The following RAB30 variants were observed in gnomAD, a reference collection of about 807,000 sequenced individuals.
RAB30 encodes ras-related protein Rab-30.
A neutral mutation model predicts 25.1 loss-of-function variants in RAB30; 9 were observed. The observed-to-expected ratio is 0.36, with a 90% CI of 0.22 to 0.63. The LOEUF is 0.63. Ranked by LOEUF, RAB30 falls within the 20% of genes least tolerant of loss-of-function variation. The pLI is 0.69. For synonymous variants in RAB30, 77 were observed against 86.4 expected, an observed-to-expected ratio of 0.89 and a Z score of 0.60; for missense variants, 140 against 243.5, an observed-to-expected ratio of 0.58 and a Z score of 2.83.
At chr11:82,999,332 G>A (rs1476970124) in intron 1 of RAB30, among the ~76,000 whole-genome samples, 5 of 152,158 alleles carry the variant, frequency 3.3e-5, no homozygotes, top group Non-Finnish European at 5.9e-5. Flanking sequence ...ATAAAAAATG[G>A]AGCCAGAGAG....
chr11:83,011,301 C>T (rs1231505735), intron 1 of RAB30, among the ~76,000 whole-genome samples: 1 of 152,132 alleles, frequency 6.6e-6, no homozygotes, highest in African/African-American at 2.4e-5. Flanking sequence ...TTGTTGTAAT[C>T]GCATCAACAT....
intron 4 of RAB30, among the ~76,000 whole-genome samples, chr11:82,986,140 T>A (rs1477486441): frequency 1.3e-5 from 2 of 152,234 alleles, no homozygotes; most frequent in African/African-American, 2.4e-5. Flanking sequence ...GTTTTCTTTT[T>A]AAAAATCTAT....
At chr11:83,052,905 T>G (rs897274565) in intron 1 of RAB30, among the ~76,000 whole-genome samples, 5 of 152,184 alleles carry the variant, frequency 3.3e-5, no homozygotes, top group African/African-American at 4.8e-5. Context: ...ACTCATACAT[T>G]GACTGGGAAA....
chr11:83,059,422 T>C (rs2121520216), intron 1 of RAB30, among the ~76,000 whole-genome samples: 1 of 152,374 alleles, frequency 6.6e-6, no homozygotes, highest in South Asian at 2.1e-4. Flanking sequence ...CCCTTGTGTA[T>C]ACATACCCAT....
At position 83,014,634 on chromosome 11, in the gene RAB30, A is replaced by C. The variant is rs1320734888; in HGVS notation, c.-8-17310T>G. ...GAGACAAAGAAAGAAAGAAGTAAGA[A>C]AAAGAAAGAAAGAAAGAAAGAAAGA... is the stretch of plus-strand genomic sequence containing the variant. On this transcript the variant is annotated intron_variant, in intron 1 of 4. Coordinates refer to ENST00000527633, the MANE Select transcript of RAB30 (RefSeq NM_001286060.2). Among the ~76,000 whole-genome samples the C allele has an allele frequency of 2.2e-3, 245 of 112,702 alleles. 1 individual carries two copies. The highest frequency in any genetic ancestry group is 8.3e-3 in the Middle Eastern group (2 of 240). 73.9% of individuals were successfully genotyped at this position (112,702 alleles called of 152,430 possible). A position where few individuals can be genotyped will look rare whatever the true frequency, so the allele number is the denominator to read the frequency against.
intron 1 of RAB30, among the ~76,000 whole-genome samples, chr11:83,020,353 A>T (rs1775482927): frequency 6.6e-6 from 1 of 152,172 alleles, no homozygotes; most frequent in South Asian, 2.1e-4. Context: ...GGGCACTGTC[A>T]CAGCCTGGCT....
chr11:83,036,030 C>T (rs911437493), intron 1 of RAB30, among the ~76,000 whole-genome samples: 1 of 152,100 alleles, frequency 6.6e-6, no homozygotes, highest in Non-Finnish European at 1.5e-5. Flanking sequence ...ACATTCACAG[C>T]CAATATCTTA....
chr11:83,036,048 C>T (rs1857980029), intron 1 of RAB30, among the ~76,000 whole-genome samples: 1 of 152,130 alleles, frequency 6.6e-6, no homozygotes, highest in African/African-American at 2.4e-5. Context: ...TTAACTGACC[C>T]GCACAACATT....
At chr11:83,004,462 A>G (rs1407279846) in intron 1 of RAB30, among the ~76,000 whole-genome samples, 1 of 152,212 alleles carries the variant, frequency 6.6e-6, no homozygotes, top group Non-Finnish European at 1.5e-5. Context: ...GCATAACACC[A>G]TGCTTGCCCA....
At chr11:83,010,483 A>G (rs1003358211) in intron 1 of RAB30, among the ~76,000 whole-genome samples, 1 of 152,196 alleles carries the variant, frequency 6.6e-6, no homozygotes, top group African/African-American at 2.4e-5. Context: ...AGAAGGAAAT[A>G]AATTTTTAAA....
rs1950038650 is a variant in RAB30 at position 82,980,108 on chromosome 11, T to C, written c.*2057A>G. The C allele has an allele frequency of 6.6e-6, 1 of 152,214 alleles. No individual in the cohort carries two copies. The allele number at this position is 152,214 out of a possible 1,614,324, so 9.4% of individuals were successfully genotyped here. A position where few individuals can be genotyped will look rare whatever the true frequency, so the allele number is the denominator to read the frequency against. On this transcript the variant is annotated 3_prime_UTR_variant, in exon 5 of 5. Coordinates refer to ENST00000527633, the MANE Select transcript of RAB30 (RefSeq NM_001286060.2). ...AAATCTAAACTTAGGAACATTTTCT[T>C]ACAGTTTAAAAAAAATTCTTCTGCC...
At chr11:83,030,880 A>G (rs1163358394) in intron 1 of RAB30, among the ~76,000 whole-genome samples, 1 of 152,188 alleles carries the variant, frequency 6.6e-6, no homozygotes, top group Non-Finnish European at 1.5e-5. Context: ...CCTAATTCCC[A>G]GTACCTTAGA....
At chr11:83,055,503 G>A (rs1278214116) in intron 1 of RAB30, among the ~76,000 whole-genome samples, 1 of 152,212 alleles carries the variant, frequency 6.6e-6, no homozygotes, top group African/African-American at 2.4e-5. Context: ...ATCTTCTGCT[G>A]CGCAGCCAGA....
intron 1 of RAB30, among the ~76,000 whole-genome samples, chr11:83,068,623 C>CTTTCTA (rs1388039906): frequency 3.3e-5 from 5 of 152,196 alleles, no homozygotes; most frequent in African/African-American, 9.7e-5. Context: ...ATTCTTCATT[C>CTTTCTA]TAGTCTTTCT....
Position 83,001,944 on chromosome 11 carries a change from G to C in RAB30, c.-8-4620C>G, listed in dbSNP as rs192780151. ...CCTGGGTACTCTTCTACATGTATTT[G>C]CTCATTTAATCCTCATAACTCTATG... On this transcript the variant is annotated intron_variant, in intron 1 of 4. Coordinates refer to ENST00000527633, the MANE Select transcript of RAB30 (RefSeq NM_001286060.2). 3.3e-3 allele frequency among the ~76,000 whole-genome samples: 499 copies of C among 152,198 alleles called. 3 individuals are homozygous for C. The highest frequency in any genetic ancestry group is 6.1e-3 in the Non-Finnish European group (414 of 68,004).
chr11:83,060,379 G>A (rs1002361814), intron 1 of RAB30, among the ~76,000 whole-genome samples: 1 of 152,138 alleles, frequency 6.6e-6, no homozygotes, highest in African/African-American at 2.4e-5. Flanking sequence ...TTGAGGAACA[G>A]GATACTCAAA....
intron 1 of RAB30, among the ~76,000 whole-genome samples, chr11:83,069,079 A>T (rs1858771755): frequency 6.6e-6 from 1 of 152,234 alleles, no homozygotes; most frequent in South Asian, 2.1e-4. Context: ...TCAGTAAACC[A>T]AAGAGCAAGG....
At chr11:83,068,465 A>G (rs1858758383) in intron 1 of RAB30, among the ~76,000 whole-genome samples, 1 of 152,144 alleles carries the variant, frequency 6.6e-6, no homozygotes. Context: ...AACAGCCAGG[A>G]TAATATTTTA....
chr11:82,978,522 G>C lies in RAB30; in HGVS notation c.*3643C>G, dbSNP rs1308776142. On this transcript the variant is annotated 3_prime_UTR_variant, in exon 5 of 5. Transcript: ENST00000527633. Reference sequence around the variant, plus strand: ...AAAAAAAAAAGATTTTTTTCTGATTGTGCTATTTCATTCATGTGGCTTGGC... The same window carrying C: ...AAAAAAAAAAGATTTTTTTCTGATTCTGCTATTTCATTCATGTGGCTTGGC... 6.7e-6 allele frequency: 1 copy of C among 149,422 alleles called. No individual in the cohort carries two copies. The highest frequency in any genetic ancestry group is 2.0e-4 in the East Asian group (1 of 5,114). The allele number at this position is 149,422 out of a possible 1,614,324, so 9.3% of individuals were successfully genotyped here.
Sources: allele counts gnomAD v4.1 joint callset (sites outside exome capture counted in the v4.1 genomes callset), GRCh38; gene constraint gnomAD v4.1.1; transcripts MANE v1.5; gene names NCBI Gene and HGNC (gene_info 2026-07-23, HGNC 2026-07-21).